Variants in NDST4 observed in about 807,000 individuals in gnomAD.
NDST4 encodes the protein N-heparan sulfate sulfotransferase 4.
NDST4 carries 63 observed loss-of-function variants against 100.8 expected under a neutral mutation model. That is an observed-to-expected ratio of 0.62 (90% confidence interval 0.51 to 0.77). The LOEUF (loss-of-function observed/expected upper bound fraction) is 0.77, where lower values mean the gene tolerates loss of function less well. Among genes scored for constraint, NDST4 ranks in the 30% least tolerant of loss-of-function variants. The pLI, the probability that NDST4 is intolerant of heterozygous loss-of-function variation, is 0.00. For missense variants in NDST4, 943 were observed against 1,018.4 expected, an observed-to-expected ratio of 0.93 and a Z score of 1.01; for synonymous variants, 377 against 361.8, an observed-to-expected ratio of 1.04 and a Z score of -0.48.
chr4:114,935,538 A>G (rs964148425), intron 5 of NDST4, among the ~76,000 whole-genome samples: 1 of 151,592 alleles, frequency 6.6e-6, no homozygotes, highest in Non-Finnish European at 1.5e-5. Context: ...CATAAAAAAT[A>G]TAGGTTAAAT....
chr4:115,090,403 G>T (rs558966109), intron 1 of NDST4, among the ~76,000 whole-genome samples: 40 of 151,752 alleles, frequency 2.6e-4, no homozygotes, highest in Non-Finnish European at 4.6e-4. Flanking sequence ...TCCTAAAGTT[G>T]TAAAATACTC....
intron 6 of NDST4, among the ~76,000 whole-genome samples, chr4:114,871,351 T>C (rs1042542869): frequency 4.6e-5 from 7 of 152,128 alleles, no homozygotes; most frequent in Admixed American, 3.9e-4. Context: ...TAGAATCAGA[T>C]TCAAGAAAAC....
At chr4:114,860,106 A>G (rs180828139) in intron 7 of NDST4, among the ~76,000 whole-genome samples, 2 of 152,332 alleles carry the variant, frequency 1.3e-5, no homozygotes, top group East Asian at 1.9e-4. Flanking sequence ...AAATTAGGTT[A>G]CAGATCCTGG....
chr4:115,112,125 C>T (rs959173456), intron 1 of NDST4, among the ~76,000 whole-genome samples: 16 of 149,204 alleles, frequency 1.1e-4, no homozygotes, highest in Non-Finnish European at 4.5e-5. Context: ...ATGACCAGCA[C>T]AGAACCTATG....
At chr4:114,921,688 C>T (rs998676601) in intron 6 of NDST4, among the ~76,000 whole-genome samples, 3 of 152,136 alleles carry the variant, frequency 2.0e-5, no homozygotes, top group African/African-American at 7.2e-5. Context: ...ACTTAGATGA[C>T]TTATTCTTCG....
intron 6 of NDST4, among the ~76,000 whole-genome samples, chr4:114,904,651 A>G (rs929233321): frequency 2.0e-5 from 3 of 151,914 alleles, no homozygotes; most frequent in African/African-American, 7.2e-5. Context: ...GAATGATTAT[A>G]TCAATATTTC....
chr4:115,038,806 T>G (rs1457286087), intron 2 of NDST4, among the ~76,000 whole-genome samples: 1 of 152,104 alleles, frequency 6.6e-6, no homozygotes. Flanking sequence ...TAAAACCCTG[T>G]GTCCACAAAA....
At chr4:115,044,031 C>T (rs947247392) in intron 2 of NDST4, among the ~76,000 whole-genome samples, 1 of 152,032 alleles carries the variant, frequency 6.6e-6, no homozygotes, top group Non-Finnish European at 1.5e-5. Context: ...TCAAAAGATA[C>T]ATTTTCTTTC....
At chr4:114,961,731 T>C (rs1054145650) in intron 4 of NDST4, among the ~76,000 whole-genome samples, 1 of 152,026 alleles carries the variant, frequency 6.6e-6, no homozygotes, top group Non-Finnish European at 1.5e-5. Flanking sequence ...AAGGAACAGG[T>C]GACTTCTACC....
chr4:114,850,448 T>C (rs1041126327), intron 8 of NDST4, among the ~76,000 whole-genome samples: 11 of 152,156 alleles, frequency 7.2e-5, no homozygotes, highest in African/African-American at 2.7e-4. Flanking sequence ...TTGATATTCA[T>C]GTAATCAGCC....
intron 2 of NDST4, among the ~76,000 whole-genome samples, chr4:115,006,470 A>G (rs1727419710): frequency 6.6e-6 from 1 of 152,210 alleles, no homozygotes; most frequent in Non-Finnish European, 1.5e-5. Context: ...TATGAAAGCT[A>G]TCAACATAGT....
rs475668 is a variant in NDST4, at chr4:115,093,271, C to G, written c.-246-15989G>C. 2.5e-4 allele frequency among the ~76,000 whole-genome samples: 38 copies of G among 152,028 alleles called. 1 individual carries two copies. The South Asian group carries it at 4.1e-3, about 17-fold the overall frequency. On this transcript the variant is annotated intron_variant, in intron 1 of 13. Coordinates refer to ENST00000264363, the MANE Select transcript of NDST4 (RefSeq NM_022569.3). ...TGGGCAGATCATGAGGTCAGGAGAT[C>G]GAGACTATCCTGGCTAACACGGTGA...
intron 7 of NDST4, among the ~76,000 whole-genome samples, chr4:114,862,856 A>T (rs60008389): frequency 3.3e-5 from 5 of 152,092 alleles, no homozygotes; most frequent in African/African-American, 1.2e-4. Context: ...TGCTGTTCCA[A>T]ATATTTTTAT....
intron 4 of NDST4, among the ~76,000 whole-genome samples, chr4:114,948,659 A>G (rs1177181322): frequency 6.6e-6 from 1 of 152,100 alleles, no homozygotes; most frequent in East Asian, 1.9e-4. Context: ...AGTTTACAGT[A>G]AACACCCCAA....
At chr4:115,061,014 G>T (rs1728807525) in intron 2 of NDST4, among the ~76,000 whole-genome samples, 2 of 152,000 alleles carry the variant, frequency 1.3e-5, no homozygotes, top group Admixed American at 1.3e-4. Context: ...TGATGGATAT[G>T]AACAAATACT....
chr4:115,106,262 T>G (rs1729831902), intron 1 of NDST4, among the ~76,000 whole-genome samples: 1 of 152,114 alleles, frequency 6.6e-6, no homozygotes, highest in Admixed American at 6.6e-5. Flanking sequence ...CAGATAACTG[T>G]TTCCTGGATG....
chr4:114,884,285 G>A (rs1724432138), intron 6 of NDST4, among the ~76,000 whole-genome samples: 1 of 152,054 alleles, frequency 6.6e-6, no homozygotes, highest in Non-Finnish European at 1.5e-5. Context: ...ACTCCAAGCT[G>A]CTGGGGAGGC....
chr4:115,069,176 G>C (rs954827755), intron 2 of NDST4, among the ~76,000 whole-genome samples: 1 of 152,078 alleles, frequency 6.6e-6, no homozygotes, highest in Non-Finnish European at 1.5e-5. Flanking sequence ...TTTTAGTAAA[G>C]GCATAGAAGC....
intron 2 of NDST4, among the ~76,000 whole-genome samples, chr4:114,993,516 T>C (rs1727095308): frequency 6.6e-6 from 1 of 152,006 alleles, no homozygotes; most frequent in Non-Finnish European, 1.5e-5. Context: ...ACTTCCCAAT[T>C]GGACATATAT....
Sources: gnomAD v4.1 joint callset for allele counts (sites outside exome capture counted in the v4.1 genomes callset) on GRCh38, gnomAD v4.1.1 for gene constraint, MANE v1.5 for transcripts, NCBI Gene and HGNC (gene_info 2026-07-23, HGNC 2026-07-21) for gene names.